The following XKR9 variants were observed in gnomAD, a reference collection of about 807,000 sequenced individuals.
XKR9 encodes the protein XK related 9.
In XKR9, 32 loss-of-function variants were observed where a neutral mutation model predicts 32.0. The observed-to-expected ratio is 1.00, with a 90% CI of 0.76 to 1.34. The LOEUF is 1.34. XKR9 is among the 40% of genes most tolerant of loss of function. XKR9 has a pLI of 0.00. For synonymous variants in XKR9, 168 were observed against 143.4 expected, an observed-to-expected ratio of 1.17 and a Z score of -1.22; for missense variants, 546 against 429.7, an observed-to-expected ratio of 1.27 and a Z score of -2.39.
At chr8:71,050,675 T>C in the XKR9 span, among the ~76,000 whole-genome samples, 5 of 152,124 alleles carry the variant, frequency 3.3e-5, no homozygotes, top group African/African-American at 9.7e-5. Context: ...GCTGAGGTTT[T>C]GAGAGGCTGG....
At chr8:70,730,271 G>T (rs1400653382) in intron 4 of XKR9, among the ~76,000 whole-genome samples, 1 of 152,182 alleles carries the variant, frequency 6.6e-6, no homozygotes, top group Non-Finnish European at 1.5e-5. Flanking sequence ...TTGCATTAGT[G>T]CATCTTCAAT....
chr8:70,851,210 G>A, the XKR9 span, among the ~76,000 whole-genome samples: 1 of 152,026 alleles, frequency 6.6e-6, no homozygotes, highest in Non-Finnish European at 1.5e-5. Flanking sequence ...AAATACTTAG[G>A]AATACAACTT....
At chr8:70,969,845 C>T in the XKR9 span, among the ~76,000 whole-genome samples, 1 of 152,114 alleles carries the variant, frequency 6.6e-6, no homozygotes, top group Non-Finnish European at 1.5e-5. Context: ...TTTCTGTGCA[C>T]CCATCACCCG....
At chr8:70,705,378 T>A (rs1805684798) in intron 3 of XKR9, among the ~76,000 whole-genome samples, 1 of 151,928 alleles carries the variant, frequency 6.6e-6, no homozygotes, top group Non-Finnish European at 1.5e-5. Flanking sequence ...CGAAGAAAAA[T>A]AATATAGGGT....
the XKR9 span, among the ~76,000 whole-genome samples, chr8:70,828,392 G>C: frequency 6.6e-6 from 1 of 152,162 alleles, no homozygotes; most frequent in Admixed American, 6.5e-5. Flanking sequence ...CCAAGGTTTA[G>C]GTGGGGGTAG....
intron 4 of XKR9, among the ~76,000 whole-genome samples, chr8:70,718,221 C>T (rs1806155820): frequency 6.6e-6 from 1 of 152,146 alleles, no homozygotes; most frequent in African/African-American, 2.4e-5. Context: ...CAACCTCAGC[C>T]TGTTACCCAG....
chr8:70,881,623 T>C, the XKR9 span, among the ~76,000 whole-genome samples: 1 of 152,164 alleles, frequency 6.6e-6, no homozygotes, highest in East Asian at 1.9e-4. Context: ...CAACTGATGC[T>C]GGAGAGGATG....
intron 2 of XKR9, among the ~76,000 whole-genome samples, chr8:70,747,442 G>T (rs1807074543): frequency 6.6e-6 from 1 of 152,198 alleles, no homozygotes; most frequent in African/African-American, 2.4e-5. Context: ...TATAATGGGA[G>T]TGGTACTGGT....
chr8:70,945,388 T>C, the XKR9 span, among the ~76,000 whole-genome samples: 2 of 152,178 alleles, frequency 1.3e-5, no homozygotes, highest in Non-Finnish European at 2.9e-5. Context: ...AAATGAGAAA[T>C]GAAACTTGAC....
At chr8:70,780,302 C>G (rs1024706624) in intron 2 of XKR9, among the ~76,000 whole-genome samples, 1 of 151,810 alleles carries the variant, frequency 6.6e-6, no homozygotes, top group Non-Finnish European at 1.5e-5. Context: ...TTTCCTAGCT[C>G]TTTAAGCTGG....
At chr8:70,981,247 G>A in the XKR9 span, among the ~76,000 whole-genome samples, 1 of 152,142 alleles carries the variant, frequency 6.6e-6, no homozygotes, top group African/African-American at 2.4e-5. Context: ...CTGACTTTTA[G>A]ATTTCTTTTC....
At chr8:70,732,640 C>G (rs1021758151) in intron 4 of XKR9, among the ~76,000 whole-genome samples, 15 of 152,202 alleles carry the variant, frequency 9.9e-5, no homozygotes, top group Admixed American at 8.5e-4. Flanking sequence ...TATGCAGAGC[C>G]TTCTGTGCAG....
chr8:70,753,261 T>A (rs1346019633), intron 2 of XKR9, among the ~76,000 whole-genome samples: 16 of 152,010 alleles, frequency 1.1e-4, no homozygotes, highest in Non-Finnish European at 1.8e-4. Context: ...TCTGAAATTG[T>A]GGCAATAATC....
At chr8:70,804,810 A>C in the XKR9 span, among the ~76,000 whole-genome samples, 3 of 152,214 alleles carry the variant, frequency 2.0e-5, no homozygotes, top group African/African-American at 7.2e-5. Context: ...TCTTTACTTC[A>C]TGGACTCATT....
chr8:70,944,805 T>G, the XKR9 span, among the ~76,000 whole-genome samples: 1 of 152,214 alleles, frequency 6.6e-6, no homozygotes. Flanking sequence ...ATCCCATCTC[T>G]CTGGCATACA....
the XKR9 span, among the ~76,000 whole-genome samples, chr8:71,011,301 C>T: frequency 6.6e-6 from 1 of 152,182 alleles, no homozygotes; most frequent in Non-Finnish European, 1.5e-5. Context: ...TGCTCATAAA[C>T]ACATAGTAAC....
At chr8:70,730,050 A>T (rs1806610763) in intron 4 of XKR9, among the ~76,000 whole-genome samples, 1 of 152,178 alleles carries the variant, frequency 6.6e-6, no homozygotes, top group Admixed American at 6.5e-5. Flanking sequence ...GGTAACTTGA[A>T]AAAAATATAT....
At chr8:70,684,363 T>C (rs960968474) in intron 3 of XKR9, among the ~76,000 whole-genome samples, 4 of 152,266 alleles carry the variant, frequency 2.6e-5, no homozygotes, top group African/African-American at 9.6e-5. Flanking sequence ...TTTGAACTCT[T>C]TGTGATACAT....
chr8:70,826,042 C>G, the XKR9 span, among the ~76,000 whole-genome samples: 1 of 151,968 alleles, frequency 6.6e-6, no homozygotes, highest in Non-Finnish European at 1.5e-5. Flanking sequence ...AAAAATTAGA[C>G]TTAGAGACCT....
Sources: gnomAD v4.1 joint callset for allele counts (sites outside exome capture counted in the v4.1 genomes callset) on GRCh38, gnomAD v4.1.1 for gene constraint, MANE v1.5 for transcripts, NCBI Gene and HGNC (gene_info 2026-07-23, HGNC 2026-07-21) for gene names.